TEX26: variants seen among roughly 807,000 people sequenced by gnomAD.
TEX26 encodes testis expressed 26, also known as testis-expressed protein 26.
In TEX26, 34 loss-of-function variants were observed where a neutral mutation model predicts 35.3. The ratio of observed to expected loss-of-function variants is 0.96; its 90% CI spans 0.73 to 1.28. TEX26 has a LOEUF of 1.28. Among genes scored for constraint, TEX26 ranks in the 50% most tolerant of loss-of-function variants. TEX26 has a pLI of 0.00. For synonymous variants in TEX26, 136 were observed against 111.8 expected, an observed-to-expected ratio of 1.22 and a Z score of -1.36; for missense variants, 371 against 330.1, an observed-to-expected ratio of 1.12 and a Z score of -0.96.
At chr13:30,939,516 A>G (rs531255882) in intron 1 of TEX26, among the ~76,000 whole-genome samples, 178 bp from the exon 2 acceptor site, 4 of 152,342 alleles carry the variant, frequency 2.6e-5, no homozygotes, top group East Asian at 1.9e-4. Flanking sequence ...GGTGAAACAG[A>G]TAAGTCGAAC....
chr13:30,945,687 T>G (rs1953681299), intron 2 of TEX26, among the ~76,000 whole-genome samples: 1 of 151,940 alleles, frequency 6.6e-6, no homozygotes, highest in South Asian at 2.1e-4. Context: ...ATTTCCTCTT[T>G]GTTTATAAAT....
chr13:30,959,168 A>G (rs1954245611), intron 4 of TEX26, among the ~76,000 whole-genome samples: 1 of 152,184 alleles, frequency 6.6e-6, no homozygotes. Context: ...CAGTTTTTAA[A>G]CATTAAAATT....
intron 2 of TEX26, among the ~76,000 whole-genome samples, chr13:30,944,136 C>G (rs146360816): frequency 4.0e-5 from 6 of 151,678 alleles, no homozygotes; most frequent in Admixed American, 3.9e-4. Flanking sequence ...AATCTTACTG[C>G]GTGTTATTGG....
intron 2 of TEX26, among the ~76,000 whole-genome samples, chr13:30,945,632 G>T (rs1368530872): frequency 2.0e-5 from 3 of 151,812 alleles, no homozygotes; most frequent in Admixed American, 2.0e-4. Context: ...GGCTGGTCTG[G>T]TAGTGACAAA....
intron 2 of TEX26, among the ~76,000 whole-genome samples, chr13:30,940,372 C>T (rs928310007): frequency 1.2e-4 from 15 of 125,306 alleles, no homozygotes; most frequent in Admixed American, 1.9e-4. Context: ...CTCGCTCTGT[C>T]GCCCAGGCTG....
chr13:30,964,546 C>T (rs1954461374), intron 4 of TEX26, among the ~76,000 whole-genome samples: 2 of 152,156 alleles, frequency 1.3e-5, no homozygotes, highest in South Asian at 4.1e-4. Flanking sequence ...TAGATAAAAG[C>T]ATCAAGTATT....
chr13:30,959,726 T>C (rs1954267208), intron 4 of TEX26, among the ~76,000 whole-genome samples: 1 of 152,062 alleles, frequency 6.6e-6, no homozygotes, highest in Non-Finnish European at 1.5e-5. Context: ...AATGACAGAA[T>C]AGAACAGAGA....
At chr13:30,932,914 G>A in intron 1 of TEX26, 138 bp downstream of exon 1, 1 of 869,784 alleles carries the variant, frequency 1.1e-6, no homozygotes, top group Non-Finnish European at 1.7e-6. Flanking sequence ...AGGAAAAGAC[G>A]GGGAGTCAGG....
chr13:30,951,753 T>C (rs1953929286), intron 2 of TEX26, among the ~76,000 whole-genome samples: 1 of 152,190 alleles, frequency 6.6e-6, no homozygotes, highest in African/African-American at 2.4e-5. Flanking sequence ...GTAACAATTA[T>C]ATTATCTCAC....
chr13:30,965,814 C>A (rs1001988554), intron 4 of TEX26, among the ~76,000 whole-genome samples: 1 of 152,000 alleles, frequency 6.6e-6, no homozygotes, highest in African/African-American at 2.4e-5. Context: ...ATGGGATGCC[C>A]AGTTAAATTT....
intron 1 of TEX26, among the ~76,000 whole-genome samples, chr13:30,938,560 C>G (rs557655417): frequency 4.6e-5 from 7 of 152,268 alleles, no homozygotes; most frequent in African/African-American, 1.7e-4. Context: ...GGGGACCCCT[C>G]TCTGATTACC....
intron 4 of TEX26, among the ~76,000 whole-genome samples, chr13:30,964,361 G>T (rs1954453244): frequency 1.3e-5 from 2 of 152,158 alleles, no homozygotes; most frequent in Non-Finnish European, 2.9e-5. Flanking sequence ...CAAATGTTAT[G>T]GTTGCAAGAC....
chr13:30,954,207 G>T (rs1253418837), intron 3 of TEX26, among the ~76,000 whole-genome samples: 1 of 149,534 alleles, frequency 6.7e-6, no homozygotes, highest in African/African-American at 2.5e-5. Context: ...GATTAAATTT[G>T]GTTCCTTGTG....
intron 1 of TEX26, chr13:30,936,624 A>C (rs1953281984): frequency 1.1e-6 from 1 of 945,804 alleles, no homozygotes; most frequent in Admixed American, 6.2e-5. Context: ...ACTTGTGCTC[A>C]TAGGATACAT....
intron 6 of TEX26, among the ~76,000 whole-genome samples, chr13:30,974,409 A>G (rs1345665975): frequency 3.3e-5 from 5 of 152,084 alleles, no homozygotes; most frequent in Non-Finnish European, 7.4e-5. Context: ...GGATAAGACA[A>G]CCATTTATTG....
intron 1 of TEX26, among the ~76,000 whole-genome samples, chr13:30,936,084 G>A (rs114707312): frequency 0.014 from 2,150 of 152,278 alleles, 61 homozygotes; most frequent in African/African-American, 0.047. Context: ...TGGGGATTAG[G>A]ACATGGAAAT....
Position 30,943,674 on chromosome 13 carries a change from T to C in TEX26, c.146+3896T>C, listed in dbSNP as rs565152084. Among the ~76,000 whole-genome samples, 100 of 152,116 alleles carry C rather than the reference T, an allele frequency of 6.6e-4. 1 individual carries two copies. In the South Asian group the frequency reaches 0.021, roughly 31 times the overall value. On this transcript the variant is annotated intron_variant, in intron 2 of 6. Coordinates refer to ENST00000380473, the MANE Select transcript of TEX26 (RefSeq NM_152325.3). ...AGTTTGTTGAAGGTTTTTATCATAA[T>C]GGGATGCTGGATTTTATTGAATGCT...
At chr13:30,973,339 G>A (rs537986093) in intron 6 of TEX26, 1 of 152,188 alleles carries the variant, frequency 6.6e-6, no homozygotes, top group Non-Finnish European at 1.5e-5. Flanking sequence ...ACTTATCTTT[G>A]ATGAAAGAAA....
At chr13:30,933,063 G>A (rs894673501) in intron 1 of TEX26, 10 of 334,996 alleles carry the variant, frequency 3.0e-5, no homozygotes, top group Non-Finnish European at 5.4e-5. Context: ...AAAAAAGGAA[G>A]AACTGGTGAT....
Sources: allele counts gnomAD v4.1 joint callset (sites outside exome capture counted in the v4.1 genomes callset), GRCh38; gene constraint gnomAD v4.1.1; transcripts MANE v1.5; gene names NCBI Gene and HGNC (gene_info 2026-07-23, HGNC 2026-07-21).